Variants in FBXL2 observed in about 807,000 individuals in gnomAD.
FBXL2 encodes the protein F-box and leucine rich repeat protein 2.
A neutral mutation model predicts 69.2 loss-of-function variants in FBXL2; 38 were observed. The observed-to-expected ratio is 0.55, with a 90% CI of 0.42 to 0.72. The LOEUF is 0.72. Ranked by LOEUF, FBXL2 falls within the 30% of genes least tolerant of loss-of-function variation. FBXL2 has a pLI of 0.00. For synonymous variants in FBXL2, 192 were observed against 201.3 expected, an observed-to-expected ratio of 0.95 and a Z score of 0.39; for missense variants, 354 against 520.3, an observed-to-expected ratio of 0.68 and a Z score of 3.11.
chr3:33,385,356 A>G, intron 14 of FBXL2, 145 bp from the exon 15 acceptor site: 1 of 769,038 alleles, frequency 1.3e-6, no homozygotes, highest in Admixed American at 1.9e-5. Flanking sequence ...GGGGAGTAAC[A>G]GGAGTAGCTC....
In FBXL2 at chr3:33,379,265, G is replaced by A. The variant is rs2042854696; in HGVS notation, c.951+524G>A. ...GATCTGCCTGCCTCAGCCTCCCAAAGTGCTGGGATTACAGGTGTGAGCTAC... is the reference window on the plus strand; with the variant it reads ...GATCTGCCTGCCTCAGCCTCCCAAAATGCTGGGATTACAGGTGTGAGCTAC... On this transcript the variant is annotated intron_variant, in intron 13 of 14. Coordinates refer to ENST00000484457, the MANE Select transcript of FBXL2 (RefSeq NM_012157.5). Among the ~76,000 whole-genome samples, 3 of 148,120 alleles carry A rather than the reference G, an allele frequency of 2.0e-5. No individual in the cohort carries two copies. The South Asian group carries it at 6.5e-4, about 32-fold the overall frequency.
At chr3:33,306,755 G>A (rs1380748791) in intron 2 of FBXL2, among the ~76,000 whole-genome samples, 1 of 152,046 alleles carries the variant, frequency 6.6e-6, no homozygotes, top group Middle Eastern at 3.2e-3. Context: ...CTACCCCTTT[G>A]GTAGGACTTT....
chr3:33,295,904 C>T (rs2035700386), intron 1 of FBXL2, among the ~76,000 whole-genome samples: 1 of 152,134 alleles, frequency 6.6e-6, no homozygotes, highest in Non-Finnish European at 1.5e-5. Context: ...ATCTTTTGCC[C>T]ATTGTAAAAT....
intron 2 of FBXL2, among the ~76,000 whole-genome samples, chr3:33,298,528 G>A (rs1168352242): frequency 6.6e-6 from 1 of 151,778 alleles, no homozygotes; most frequent in African/African-American, 2.4e-5. Flanking sequence ...GAAACAATTA[G>A]CCAGGCGTGG....
intron 1 of FBXL2, among the ~76,000 whole-genome samples, chr3:33,286,478 A>AG (rs2034627124): frequency 6.6e-6 from 1 of 152,196 alleles, no homozygotes; most frequent in African/African-American, 2.4e-5. Context: ...TAGGCTGCTC[A>AG]GGGGTCAGGG....
At chr3:33,304,380 G>A (rs1003243022) in intron 2 of FBXL2, among the ~76,000 whole-genome samples, 1 of 151,710 alleles carries the variant, frequency 6.6e-6, no homozygotes, top group African/African-American at 2.4e-5. Flanking sequence ...GTTTACTTTT[G>A]CTTGTTTATT....
rs545022491 is a variant in FBXL2, at chr3:33,336,561, A to G, written c.66-22406A>G. ...CGTCAACATGACATACTGTATCTTC[A>G]TAACCATTTAAAATAATTGATAAAT... On this transcript the variant is annotated intron_variant, in intron 2 of 14. Transcript: ENST00000484457. 4.6e-5 allele frequency among the ~76,000 whole-genome samples: 7 copies of G among 152,366 alleles called. No homozygotes were observed. In the East Asian group the frequency reaches 7.7e-4, roughly 17 times the overall value.
intron 2 of FBXL2, among the ~76,000 whole-genome samples, chr3:33,306,470 T>G (rs556566141): frequency 6.6e-6 from 1 of 152,142 alleles, no homozygotes; most frequent in African/African-American, 2.4e-5. Context: ...CTTTGTAGAT[T>G]TATCACCTAT....
At chr3:33,294,264 T>C (rs916871912) in intron 1 of FBXL2, among the ~76,000 whole-genome samples, 1 of 151,906 alleles carries the variant, frequency 6.6e-6, no homozygotes, top group South Asian at 2.1e-4. Flanking sequence ...GCCCTGCTGA[T>C]TTTTAAATTT....
chr3:33,347,173 T>C (rs1260944432), intron 2 of FBXL2, among the ~76,000 whole-genome samples: 1 of 152,102 alleles, frequency 6.6e-6, no homozygotes, highest in Non-Finnish European at 1.5e-5. Context: ...CCCCCATGAG[T>C]TCAATTGTTT....
chr3:33,333,699 A>G (rs2039345583), intron 2 of FBXL2, among the ~76,000 whole-genome samples: 1 of 152,142 alleles, frequency 6.6e-6, no homozygotes. Flanking sequence ...TAGACACTAA[A>G]TCACCCATGC....
chr3:33,412,918 GTA>G, the FBXL2 span: 1 of 810,106 alleles, frequency 1.2e-6, no homozygotes, highest in Non-Finnish European at 2.2e-6. Flanking sequence ...ACCTGTAGCA[GTA>G]GAACACATAC....
chr3:33,400,890 T>C (rs1025696622), intron 12 of FBXL2: 3 of 1,457,072 alleles, frequency 2.1e-6, no homozygotes, highest in Non-Finnish European at 2.8e-6. Flanking sequence ...CTCCATACAT[T>C]TGCACAAAAA....
chr3:33,302,836 GT>G, intron 2 of FBXL2, among the ~76,000 whole-genome samples: 1 of 152,226 alleles, frequency 6.6e-6, no homozygotes, highest in East Asian at 1.9e-4. Context: ...TAATACAACA[GT>G]TTTAGTAGTT....
chr3:33,283,137 G>T (rs1575583271), intron 1 of FBXL2, among the ~76,000 whole-genome samples: 1 of 152,226 alleles, frequency 6.6e-6, no homozygotes, highest in East Asian at 1.9e-4. Flanking sequence ...GTTTTCAAAG[G>T]GAATGCTTCC....
At chr3:33,324,007 C>A (rs2038469958) in intron 2 of FBXL2, among the ~76,000 whole-genome samples, 3 of 152,130 alleles carry the variant, frequency 2.0e-5, no homozygotes, top group Admixed American at 6.6e-5. Context: ...TTCTAACTGG[C>A]GTGAGATAGT....
the FBXL2 span, among the ~76,000 whole-genome samples, chr3:33,414,565 A>T: frequency 6.6e-6 from 1 of 152,214 alleles, no homozygotes; most frequent in Non-Finnish European, 1.5e-5. Flanking sequence ...CACAAATTTA[A>T]GTAGTATAGT....
the FBXL2 span, among the ~76,000 whole-genome samples, chr3:33,413,973 T>C: frequency 1.3e-5 from 2 of 152,220 alleles, no homozygotes; most frequent in African/African-American, 2.4e-5. Flanking sequence ...ACAGTTCTAA[T>C]TGTTCCATAC....
chr3:33,380,688 T>C (rs1464109825), intron 13 of FBXL2, among the ~76,000 whole-genome samples: 1 of 152,158 alleles, frequency 6.6e-6, no homozygotes, highest in Non-Finnish European at 1.5e-5. Flanking sequence ...GAAAAGTGAT[T>C]GTCTTTCTCT....
Sources: allele counts gnomAD v4.1 joint callset (sites outside exome capture counted in the v4.1 genomes callset), GRCh38; gene constraint gnomAD v4.1.1; transcripts MANE v1.5; gene names NCBI Gene and HGNC (gene_info 2026-07-23, HGNC 2026-07-21).